The following GNAT3 variants were observed in gnomAD, a reference collection of about 807,000 sequenced individuals.
GNAT3 encodes guanine nucleotide-binding protein G(t) subunit alpha-3.
Under a neutral mutation model 37.7 loss-of-function variants are expected in GNAT3, and 31 were observed. The observed-to-expected ratio is 0.82, with a 90% confidence interval of 0.62 to 1.11. The LOEUF (loss-of-function observed/expected upper bound fraction) is 1.11, where lower values mean the gene tolerates loss of function less well. Ranked by LOEUF, GNAT3 falls within the 50% of genes most tolerant of loss-of-function variation. The pLI is 0.00. For synonymous variants in GNAT3, 138 were observed against 139.8 expected (o/e 0.99, Z 0.09); for missense variants, 437 against 412.5 (o/e 1.06, Z -0.51).
chr7:80,493,077 C>A (rs1790624014), intron 2 of GNAT3, among the ~76,000 whole-genome samples: 1 of 151,716 alleles, frequency 6.6e-6, no homozygotes, highest in Non-Finnish European at 1.5e-5. Flanking sequence ...TAAATTTTTT[C>A]TTGTTCTCTA....
At chr7:80,477,688 T>C (rs1375944635) in intron 4 of GNAT3, among the ~76,000 whole-genome samples, 2 of 152,208 alleles carry the variant, frequency 1.3e-5, no homozygotes, top group African/African-American at 4.8e-5. Context: ...TTTTCATTTG[T>C]TTCACTTTTA....
intron 2 of GNAT3, among the ~76,000 whole-genome samples, chr7:80,493,605 C>CTCT (rs1238240643): frequency 2.9e-4 from 35 of 122,060 alleles, no homozygotes; most frequent in African/African-American, 1.1e-3. Flanking sequence ...CTCCTCTTTC[C>CTCT]TCCTCCTCCT....
chr7:80,465,949 A>G (rs1790122734), intron 5 of GNAT3, among the ~76,000 whole-genome samples: 1 of 152,046 alleles, frequency 6.6e-6, no homozygotes, highest in Non-Finnish European at 1.5e-5. Flanking sequence ...GGGGGACCTG[A>G]GGGTAGAGTA....
At chr7:80,474,917 GTTGT>G (rs1220154513) in intron 4 of GNAT3, among the ~76,000 whole-genome samples, 2 of 152,090 alleles carry the variant, frequency 1.3e-5, no homozygotes, top group South Asian at 4.1e-4. Context: ...TAATTTGAAG[GTTGT>G]TTGTTATTTT....
chr7:80,485,478 C>T (rs1790462531), intron 3 of GNAT3, among the ~76,000 whole-genome samples: 1 of 152,052 alleles, frequency 6.6e-6, no homozygotes, highest in South Asian at 2.1e-4. Context: ...CTTAGTAATT[C>T]CTTCTTTAAG....
At chr7:80,484,371 T>G (rs188955082) in intron 3 of GNAT3, among the ~76,000 whole-genome samples, 212 of 152,256 alleles carry the variant, frequency 1.4e-3, no homozygotes, top group African/African-American at 4.7e-3. Context: ...GTAGTAATAT[T>G]GGTTGAAAAT....
chr7:80,460,576 C>T (rs1034905395), intron 7 of GNAT3, among the ~76,000 whole-genome samples: 13 of 151,956 alleles, frequency 8.6e-5, no homozygotes, highest in African/African-American at 2.7e-4. Flanking sequence ...GGTGAAATCC[C>T]GTCTCTACTA....
At chr7:80,460,584 C>T (rs757314713) in intron 7 of GNAT3, among the ~76,000 whole-genome samples, 17 of 152,044 alleles carry the variant, frequency 1.1e-4, no homozygotes, top group South Asian at 4.1e-4. Flanking sequence ...CCCGTCTCTA[C>T]TAAAAGTACA....
At chr7:80,475,104 G>A (rs757919122) in intron 4 of GNAT3, among the ~76,000 whole-genome samples, 4 of 151,864 alleles carry the variant, frequency 2.6e-5, no homozygotes, top group African/African-American at 4.8e-5. Flanking sequence ...AAGGGTGAAC[G>A]TACCCACTGT....
chr7:80,497,602 A>ATATACGTATATACG (rs1790750118), intron 1 of GNAT3, among the ~76,000 whole-genome samples: 1 of 120,756 alleles, frequency 8.3e-6, no homozygotes, highest in Non-Finnish European at 1.7e-5. Context: ...ACGTATATAC[A>ATATACGTATATACG]TATACGTATA....
rs184440622 is a variant in GNAT3, at chr7:80,493,816, T to A, written c.161+789A>T. ...TCCTCCTCCTCCTCTTTCCTCCTCC[T>A]CCTCTTTCCTCCTCCTCCTCTTTCC... On this transcript the variant is annotated intron_variant, in intron 2 of 7. Transcript: ENST00000398291. Among the ~76,000 whole-genome samples, 321 of 98,550 alleles carry A rather than the reference T, an allele frequency of 3.3e-3. 1 individual carries two copies. The highest frequency in any genetic ancestry group is 0.016 in the African/African-American group (259 of 15,754). 64.7% of individuals were successfully genotyped at this position (98,550 alleles called of 152,430 possible). A position where few individuals can be genotyped will look rare whatever the true frequency, so the allele number is the denominator to read the frequency against.
intron 2 of GNAT3, among the ~76,000 whole-genome samples, chr7:80,489,155 CTTTT>C (rs1479375704): frequency 6.6e-6 from 1 of 151,996 alleles, no homozygotes; most frequent in Non-Finnish European, 1.5e-5. Flanking sequence ...ACAAAGGCAT[CTTTT>C]TTAGTACACG....
In GNAT3 at chr7:80,462,760, T is replaced by C. The variant is rs1790073214; in HGVS notation, c.591-129A>G. On this transcript the variant is annotated intron_variant, in intron 5 of 7. Transcript: ENST00000398291. ...AAGGTATTCTTTTGACTTTTATTGA[T>C]TATAAAATTAAATTTATTTGGTCAA... 4.9e-6 allele frequency: 3 copies of C among 610,156 alleles called. No homozygotes were observed. The South Asian group carries it at 9.4e-5, about 19-fold the overall frequency. The allele number at this position is 610,156 out of a possible 1,614,324, so 37.8% of individuals were successfully genotyped here. A position where few individuals can be genotyped will look rare whatever the true frequency, so the allele number is the denominator to read the frequency against.
At position 80,511,803 on chromosome 7, in the gene GNAT3, A is replaced by T; in HGVS notation, c.118+6T>A. On this transcript the variant is annotated splice_donor_region_variant and intron_variant, in intron 1 of 7. Transcript: ENST00000398291. The stretch of plus-strand genomic sequence containing the variant: ...GTTTTTGAAAGCAAAAGGGAAAAGA[A>T]ATTACCTAATAGTAGCAGCTTTACG... The T allele has an allele frequency of 6.3e-7, 1 of 1,578,432 alleles. No individual in the cohort carries two copies.
intron 1 of GNAT3, among the ~76,000 whole-genome samples, chr7:80,497,592 ACG>A (rs1562732821): frequency 2.2e-5 from 3 of 136,786 alleles, no homozygotes; most frequent in Non-Finnish European, 4.6e-5. Context: ...ATATACATAT[ACG>A]TATATACATA....
chr7:80,485,828 C>T (rs1479285504), intron 3 of GNAT3, among the ~76,000 whole-genome samples: 1 of 152,010 alleles, frequency 6.6e-6, no homozygotes, highest in African/African-American at 2.4e-5. Context: ...TATGTTTTTG[C>T]TTCCTTCTTT....
chr7:80,466,568 A>C (rs1258749915), intron 5 of GNAT3, among the ~76,000 whole-genome samples: 2 of 152,088 alleles, frequency 1.3e-5, no homozygotes, highest in Non-Finnish European at 2.9e-5. Context: ...TAATGATAAA[A>C]ATAATAGTAG....
At chr7:80,492,671 T>G (rs1246512349) in intron 2 of GNAT3, among the ~76,000 whole-genome samples, 1 of 151,616 alleles carries the variant, frequency 6.6e-6, no homozygotes, top group African/African-American at 2.4e-5. Flanking sequence ...TATGCATATT[T>G]TATTACTTTT....
intron 3 of GNAT3, among the ~76,000 whole-genome samples, chr7:80,482,764 C>T (rs1790413899): frequency 6.7e-6 from 1 of 149,376 alleles, no homozygotes; most frequent in Non-Finnish European, 1.5e-5. Context: ...ATCTCTTGAC[C>T]TCATGATCTG....
Sources: gnomAD v4.1 joint callset for allele counts (sites outside exome capture counted in the v4.1 genomes callset) on GRCh38, gnomAD v4.1.1 for gene constraint, MANE v1.5 for transcripts, NCBI Gene and HGNC (gene_info 2026-07-23, HGNC 2026-07-21) for gene names.